HMGB1: variants seen among roughly 807,000 people sequenced by gnomAD.
The protein encoded by HMGB1 is high mobility group box 1, also known as high mobility group protein B1.
For synonymous variants in HMGB1, 81 were observed against 84.0 expected (o/e 0.96, Z 0.19); for missense variants, 79 against 253.5 (o/e 0.31, Z 4.67).
intron 1 of HMGB1, among the ~76,000 whole-genome samples, chr13:30,595,966 A>C (rs1263144121): frequency 6.6e-6 from 1 of 152,216 alleles, no homozygotes; most frequent in Non-Finnish European, 1.5e-5. Flanking sequence ...AGGGGACTGC[A>C]TAAGGGCATG....
chr13:30,463,830 CAAG>C (rs1201847280), intron 1 of HMGB1, 136 bp from the exon 2 acceptor site: 8 of 615,146 alleles, frequency 1.3e-5, no homozygotes, highest in African/African-American at 1.1e-4. Context: ...TAAAATCAGA[CAAG>C]AATATGGCCG....
At chr13:30,484,371 G>A (rs909819707) in intron 1 of HMGB1, among the ~76,000 whole-genome samples, 1 of 152,150 alleles carries the variant, frequency 6.6e-6, no homozygotes, top group African/African-American at 2.4e-5. Context: ...AGTAATGAAG[G>A]AATAAGAGTC....
chr13:30,598,842 A>T (rs1439625625), intron 1 of HMGB1, among the ~76,000 whole-genome samples: 1 of 152,062 alleles, frequency 6.6e-6, no homozygotes, highest in African/African-American at 2.4e-5. Context: ...TACAACAAAA[A>T]TTTATTATTT....
intron 1 of HMGB1, among the ~76,000 whole-genome samples, chr13:30,490,873 T>TACA (rs1887475296): frequency 6.6e-6 from 1 of 151,980 alleles, no homozygotes; most frequent in Admixed American, 6.6e-5. Context: ...TAGGCAAAGG[T>TACA]ACACTGCTGG....
chr13:30,564,787 T>A (rs1177060230), intron 1 of HMGB1, among the ~76,000 whole-genome samples: 1 of 152,246 alleles, frequency 6.6e-6, no homozygotes, highest in African/African-American at 2.4e-5. Flanking sequence ...TGATGCCTCA[T>A]AGTACAGAAA....
At chr13:30,547,684 A>T (rs1418337640) in intron 1 of HMGB1, among the ~76,000 whole-genome samples, 1 of 152,110 alleles carries the variant, frequency 6.6e-6, no homozygotes, top group Non-Finnish European at 1.5e-5. Context: ...TGGGAGGCCA[A>T]GGCTGGTGGA....
chr13:30,578,648 G>T (rs1870767582), intron 1 of HMGB1, among the ~76,000 whole-genome samples: 1 of 151,994 alleles, frequency 6.6e-6, no homozygotes, highest in Non-Finnish European at 1.5e-5. Flanking sequence ...ACATATCCTA[G>T]ATTCGGAACC....
intron 1 of HMGB1, among the ~76,000 whole-genome samples, chr13:30,608,079 T>C (rs1424272957): frequency 6.6e-6 from 1 of 152,060 alleles, no homozygotes; most frequent in African/African-American, 2.4e-5. Context: ...GACACTGTGG[T>C]TTCTGCCTCT....
At chr13:30,463,480 A>T (rs763475009) in intron 2 of HMGB1, 51 bp downstream of exon 2, 2 of 1,575,792 alleles carry the variant, frequency 1.3e-6, no homozygotes, top group Non-Finnish European at 1.7e-6. Flanking sequence ...TGCATCCTCA[A>T]TTGGAAACTG....
At chr13:30,602,354 C>A (rs534409738) in intron 1 of HMGB1, among the ~76,000 whole-genome samples, 1 of 152,294 alleles carries the variant, frequency 6.6e-6, no homozygotes, top group East Asian at 1.9e-4. Context: ...CAGGTGAGAC[C>A]AGAGGAAACT....
At chr13:30,537,656 TATA>T (rs1187732053) in intron 1 of HMGB1, among the ~76,000 whole-genome samples, 1 of 53,996 alleles carries the variant, frequency 1.9e-5, no homozygotes, top group African/African-American at 1.7e-4. Flanking sequence ...CTTGTTCATA[TATA>T]TATATATATA....
intron 1 of HMGB1, among the ~76,000 whole-genome samples, chr13:30,601,862 A>G (rs1289689727): frequency 6.6e-6 from 1 of 150,912 alleles, no homozygotes; most frequent in East Asian, 2.0e-4. Context: ...CACATATATT[A>G]TAGTGTGGTA....
intron 1 of HMGB1, among the ~76,000 whole-genome samples, chr13:30,595,376 GAAGT>G (rs1871562133): frequency 6.6e-6 from 1 of 152,130 alleles, no homozygotes; most frequent in African/African-American, 2.4e-5. Flanking sequence ...TTCAATCTAA[GAAGT>G]AATTGAAGGC....
At chr13:30,613,485 C>T (rs1433341746) in intron 1 of HMGB1, among the ~76,000 whole-genome samples, 1 of 152,122 alleles carries the variant, frequency 6.6e-6, no homozygotes, top group Non-Finnish European at 1.5e-5. Context: ...AAGAACAAAC[C>T]TGTTGTTACA....
upstream of HMGB1, among the ~76,000 whole-genome samples, chr13:30,468,722 A>C (rs148323691): frequency 4.6e-3 from 701 of 152,348 alleles, 3 homozygotes; most frequent in Non-Finnish European, 7.7e-3. Flanking sequence ...TCTGTGATAT[A>C]GGCAGGGAAG....
At chr13:30,503,180 C>CA (rs944349943) in intron 1 of HMGB1, among the ~76,000 whole-genome samples, 28 of 149,838 alleles carry the variant, frequency 1.9e-4, no homozygotes, top group South Asian at 1.1e-3. Flanking sequence ...ACTAAAAATA[C>CA]AAAAAAAAAG....
chr13:30,576,489 T>G (rs1870662134), intron 1 of HMGB1, among the ~76,000 whole-genome samples: 1 of 152,068 alleles, frequency 6.6e-6, no homozygotes, highest in East Asian at 1.9e-4. Context: ...TTGCCTGGAA[T>G]TCTCTCTTCC....
At chr13:30,489,880 A>G (rs1887445216) in intron 1 of HMGB1, among the ~76,000 whole-genome samples, 2 of 151,832 alleles carry the variant, frequency 1.3e-5, no homozygotes, top group African/African-American at 2.4e-5. Context: ...GATTACAGGC[A>G]TGCACCACCA....
intron 1 of HMGB1, among the ~76,000 whole-genome samples, chr13:30,564,097 A>G (rs551695639): frequency 6.0e-4 from 92 of 152,122 alleles, no homozygotes; most frequent in African/African-American, 2.1e-3. Flanking sequence ...TATATTCTCA[A>G]ATGAAAAGTG....
Sources: gnomAD v4.1 joint callset for allele counts (sites outside exome capture counted in the v4.1 genomes callset) on GRCh38, gnomAD v4.1.1 for gene constraint, MANE v1.5 for transcripts, NCBI Gene and HGNC (gene_info 2026-07-23, HGNC 2026-07-21) for gene names.